The following PURG variants were observed in gnomAD, a reference collection of about 807,000 sequenced individuals.
PURG encodes the protein purine-rich element-binding protein gamma.
PURG carries 3 observed loss-of-function variants against 24.3 expected under a neutral mutation model. The observed-to-expected ratio is 0.12, with a 90% CI of 0.06 to 0.32. The LOEUF (loss-of-function observed/expected upper bound fraction) is 0.32. Ranked by LOEUF, PURG falls within the 10% of genes least tolerant of loss-of-function variation. The pLI is 1.00. For synonymous variants in PURG, 180 were observed against 173.1 expected, an observed-to-expected ratio of 1.04 and a Z score of -0.31; for missense variants, 371 against 439.1, an observed-to-expected ratio of 0.84 and a Z score of 1.39.
At chr8:30,997,929 C>A (rs559721388) in intron 1 of PURG, among the ~76,000 whole-genome samples, 1 of 151,808 alleles carries the variant, frequency 6.6e-6, no homozygotes, top group East Asian at 1.9e-4. Context: ...CCAGGCATGG[C>A]TGACTTGAGC....
chr8:30,999,030 C>G (rs1337239213), intron 1 of PURG, among the ~76,000 whole-genome samples: 1 of 151,664 alleles, frequency 6.6e-6, no homozygotes, highest in Non-Finnish European at 1.5e-5. Flanking sequence ...CAGTAAAATA[C>G]TGGTAACCTA....
At chr8:31,011,591 T>C (rs115519279) in intron 1 of PURG, among the ~76,000 whole-genome samples, 1,668 of 152,316 alleles carry the variant, frequency 0.011, 29 homozygotes, top group African/African-American at 0.038. Flanking sequence ...TAGATAGCTT[T>C]AAATACACTT....
chr8:31,004,329 C>T (rs1186628204), intron 1 of PURG, among the ~76,000 whole-genome samples: 1 of 152,152 alleles, frequency 6.6e-6, no homozygotes, highest in Non-Finnish European at 1.5e-5. Context: ...TTAAAAGCTC[C>T]TGAGGCATCA....
rs376882693 is a variant in PURG, at chr8:31,009,598, GCT to G, written c.865-12903_865-12902del. 4.9e-3 allele frequency among the ~76,000 whole-genome samples: 751 copies of G among 152,244 alleles called. 10 individuals are homozygous for G. The highest frequency in any genetic ancestry group is 0.017 in the African/African-American group (709 of 41,554). On this transcript the variant is annotated intron_variant, in intron 1 of 1. Coordinates refer to the PURG transcript ENST00000339382. ...AACAGCAATTCCTAGCTAACAGTAT[GCT>G]TTTAATCCTATTGAAATGGAAATAT... is the stretch of plus-strand genomic sequence containing the variant.
intron 1 of PURG, among the ~76,000 whole-genome samples, chr8:31,005,711 T>C (rs1810630565): frequency 6.6e-6 from 1 of 152,000 alleles, no homozygotes; most frequent in Non-Finnish European, 1.5e-5. Context: ...TAAAATGCAT[T>C]GTAATGAAAC....
At chr8:31,014,724 G>A (rs765225923) in intron 1 of PURG, among the ~76,000 whole-genome samples, 4 of 152,168 alleles carry the variant, frequency 2.6e-5, no homozygotes, top group Non-Finnish European at 4.4e-5. Context: ...AAAGTGTTAT[G>A]GTAAAACAGT....
intron 1 of PURG, chr8:30,996,789 T>C (rs752263647): frequency 3.4e-5 from 33 of 965,716 alleles, no homozygotes; most frequent in Non-Finnish European, 4.6e-5. Flanking sequence ...ATTAATCTCG[T>C]TGAAAACCTT....
chr8:31,016,790 G>T (rs553607936), intron 1 of PURG, among the ~76,000 whole-genome samples: 1 of 152,006 alleles, frequency 6.6e-6, no homozygotes, highest in Non-Finnish European at 1.5e-5. Flanking sequence ...CTGCACACTT[G>T]TGTTTGAGAA....
chr8:31,019,210 C>T (rs1418026539), intron 1 of PURG, among the ~76,000 whole-genome samples: 1 of 108,946 alleles, frequency 9.2e-6, no homozygotes, highest in South Asian at 3.3e-4. Context: ...TAATTTTGAT[C>T]AACATATTAA....
chr8:31,007,138 CA>C (rs1810668532), intron 1 of PURG, among the ~76,000 whole-genome samples: 1 of 151,946 alleles, frequency 6.6e-6, no homozygotes, highest in East Asian at 1.9e-4. Context: ...GTTTTGGGAT[CA>C]ACAAAAAGGA....
chr8:31,025,444 T>C (rs1475910529), intron 1 of PURG, among the ~76,000 whole-genome samples: 1 of 152,012 alleles, frequency 6.6e-6, no homozygotes, highest in East Asian at 1.9e-4. Context: ...TATAGAGTTA[T>C]TATTCTAAAG....
chr8:31,027,743 A>T (rs1320982033), downstream of PURG, among the ~76,000 whole-genome samples: 1 of 151,802 alleles, frequency 6.6e-6, no homozygotes, highest in East Asian at 1.9e-4. Flanking sequence ...GTTAGTACAC[A>T]GTGTTTCTCA....
chr8:31,009,000 C>T (rs1435929073), intron 1 of PURG, among the ~76,000 whole-genome samples: 1 of 152,192 alleles, frequency 6.6e-6, no homozygotes, highest in African/African-American at 2.4e-5. Flanking sequence ...CGGCAAAAGG[C>T]AAGTGTGGAA....
chr8:31,032,851 C>T lies in PURG; in HGVS notation c.-6-63G>A, dbSNP rs1355876601. 6 of 1,216,320 alleles carry T rather than the reference C, an allele frequency of 4.9e-6. No homozygotes were observed. Among genetic ancestry groups the T allele is most frequent in the African/African-American group, 1.5e-5 (1 of 64,534 alleles). The allele number at this position is 1,216,320 out of a possible 1,614,324, so 75.3% of individuals were successfully genotyped here. Reference sequence around the variant, plus strand: ...GAGGGGTGTTGAGAACAATCGCAGACGCCCCTCGGCCTGACCGCCCCGCCG... The same window carrying T: ...GAGGGGTGTTGAGAACAATCGCAGATGCCCCTCGGCCTGACCGCCCCGCCG... On this transcript the variant is annotated intron_variant, in intron 1 of 1. Coordinates refer to ENST00000523392, the MANE Select transcript of PURG (RefSeq NM_001323311.2). This position sits in a 1 kb window ranked among gnomAD's most constrained non-coding sequence, Gnocchi z 5.9.
chr8:30,999,528 C>T (rs879521520), intron 1 of PURG, among the ~76,000 whole-genome samples: 5 of 151,776 alleles, frequency 3.3e-5, no homozygotes, highest in African/African-American at 1.2e-4. Flanking sequence ...GAAAAAAGTG[C>T]TAGTCTTAAA....
chr8:31,001,879 C>T (rs952851050), intron 1 of PURG, among the ~76,000 whole-genome samples: 2 of 152,168 alleles, frequency 1.3e-5, no homozygotes, highest in African/African-American at 4.8e-5. Flanking sequence ...ACGCCTGAAT[C>T]GCTATGGCAA....
intron 1 of PURG, among the ~76,000 whole-genome samples, chr8:31,004,534 G>C (rs1302736492): frequency 6.6e-6 from 1 of 152,054 alleles, no homozygotes; most frequent in Non-Finnish European, 1.5e-5. Context: ...AAATTAGCTG[G>C]GCATGGTGGC....
At chr8:31,018,697 C>G (rs895140820) in intron 1 of PURG, among the ~76,000 whole-genome samples, 1 of 152,028 alleles carries the variant, frequency 6.6e-6, no homozygotes, top group African/African-American at 2.4e-5. Context: ...ATTCAGTGTT[C>G]TGGAGTGCTA....
rs1251771741 is a variant in PURG at position 31,033,232 on chromosome 8, G to C, written c.-161C>G. The C allele has an allele frequency of 5.5e-6, 1 of 180,410 alleles. No homozygotes were observed. The highest frequency in any genetic ancestry group is 1.1e-5 in the Non-Finnish European group (1 of 87,606). 11.2% of individuals were successfully genotyped at this position (180,410 alleles called of 1,614,324 possible). On this transcript the variant is annotated 5_prime_UTR_variant, in exon 1 of 2. Coordinates refer to ENST00000523392, the MANE Select transcript of PURG (RefSeq NM_001323311.2). The stretch of plus-strand genomic sequence containing the variant: ...CGCACTGCCCCCCGCCGGAGCAGCC[G>C]GGCAGGGGCATCGCCCGCGGCGCCC...
Sources: allele counts gnomAD v4.1 joint callset (sites outside exome capture counted in the v4.1 genomes callset), GRCh38; gene constraint gnomAD v4.1.1; non-coding constraint Gnocchi (gnomAD v3.1); transcripts MANE v1.5; gene names NCBI Gene and HGNC (gene_info 2026-07-23, HGNC 2026-07-21).